The following NOL11 variants were observed in gnomAD, a reference collection of about 807,000 sequenced individuals.
NOL11 encodes nucleolar protein 11.
Under a neutral mutation model 93.0 loss-of-function variants are expected in NOL11, and 42 were observed. The observed-to-expected ratio is 0.45, with a 90% CI of 0.35 to 0.58. NOL11 has a LOEUF of 0.58. Among genes scored for constraint, NOL11 ranks in the 20% least tolerant of loss-of-function variants. The pLI, the probability that NOL11 is intolerant of heterozygous loss-of-function variation, is 0.00. For missense variants in NOL11, 775 were observed against 841.8 expected (o/e 0.92, Z 0.98); for synonymous variants, 296 against 293.7 (o/e 1.01, Z -0.08).
At chr17:67,725,545 T>C (rs1218355781) in intron 6 of NOL11, among the ~76,000 whole-genome samples, 1 of 152,192 alleles carries the variant, frequency 6.6e-6, no homozygotes, top group African/African-American at 2.4e-5. Context: ...TTTGTGAAGT[T>C]TTTCAGTGTG....
At chr17:67,740,550 G>T (rs866946545) in intron 16 of NOL11, 1 of 151,292 alleles carries the variant, frequency 6.6e-6, no homozygotes, top group African/African-American at 2.4e-5. Context: ...TGGAGGTTGC[G>T]GTGAGCCAAG....
chr17:67,732,867 C>G (rs528434705), intron 7 of NOL11, among the ~76,000 whole-genome samples: 157 of 151,962 alleles, frequency 1.0e-3, no homozygotes, highest in Non-Finnish European at 1.9e-3. Flanking sequence ...AGCCACCATG[C>G]CCTGCCGGAA....
rs766785328 is a variant in NOL11 at position 67,724,156 on chromosome 17, A to G, written c.627A>G (p.Ala209=). ...ACTCTGTTATAAAGAGTTTTACTGC[A>G]TCTGTAGATCGGAAATTCATCTCTT... ...DENSVIKSFT[A]SVDRKFISLM... Residue 209 remains alanine, a synonymous_variant, in exon 6 of 18, where the codon GCA becomes GCG. Coordinates refer to ENST00000253247, the MANE Select transcript of NOL11 (RefSeq NM_015462.5). The G allele has an allele frequency of 1.9e-6, 3 of 1,580,530 alleles. No homozygotes were observed. The highest frequency in any genetic ancestry group is 2.6e-6 in the Non-Finnish European group (3 of 1,166,004).
At chr17:67,724,333 T>A (rs1183611824) in intron 6 of NOL11, 140 bp downstream of exon 6, 4 of 8,696 alleles carry the variant, frequency 4.6e-4, no homozygotes, top group East Asian at 4.8e-3. Flanking sequence ...ATGCCTTCAC[T>A]TTTTTTTTTT....
At chr17:67,720,473 G>C (rs1475462298) in intron 3 of NOL11, 2 of 152,268 alleles carry the variant, frequency 1.3e-5, no homozygotes, top group Non-Finnish European at 2.9e-5. Context: ...AGCTAATTTT[G>C]TATTTTTAAT....
chr17:67,741,103 T>C (rs9909322), intron 16 of NOL11, among the ~76,000 whole-genome samples: 3,408 of 152,216 alleles, frequency 0.022, 161 homozygotes, highest in African/African-American at 0.078. Context: ...GGAGTCTCGC[T>C]CTGTCTCCCA....
chr17:67,723,393 TTTTTTTTTTTTTTTG>T (rs1447998802), intron 5 of NOL11, among the ~76,000 whole-genome samples: 5 of 111,638 alleles, frequency 4.5e-5, no homozygotes, highest in South Asian at 6.4e-4. Context: ...TTTTTTTTTT[TTTTTTTTTTTTTTTG>T]AGACGATTCT....
chr17:67,736,061 C>T (rs576429435), intron 9 of NOL11, 38 bp downstream of exon 9: 38 of 1,552,088 alleles, frequency 2.4e-5, no homozygotes, highest in South Asian at 2.4e-4. Flanking sequence ...TAATACAAAC[C>T]GTTTTATTAA....
Position 67,721,080 on chromosome 17 carries a change from C to T in NOL11, c.313-298C>T, listed in dbSNP as rs562992628. 2.6e-5 allele frequency among the ~76,000 whole-genome samples: 4 copies of T among 152,324 alleles called. No individual in the cohort carries two copies. The East Asian group carries it at 7.7e-4, about 29-fold the overall frequency. On this transcript the variant is annotated intron_variant, in intron 3 of 17. Coordinates refer to ENST00000253247, the MANE Select transcript of NOL11 (RefSeq NM_015462.5). ...CTCTGCATGAATGGCTTATCTGTAT[C>T]TTTCCCAGTTTTAAGAAACCCAGGT...
chr17:67,722,666 T>C (rs1424627423), intron 5 of NOL11, 29 bp downstream of exon 5: 2 of 1,506,418 alleles, frequency 1.3e-6, no homozygotes, highest in South Asian at 1.3e-5. Context: ...TCCTGGCCCA[T>C]TTTGTGAAAT....
At chr17:67,737,209 T>C (rs936837526) in intron 11 of NOL11, 64 bp downstream of exon 11, 1 of 960,310 alleles carries the variant, frequency 1.0e-6, no homozygotes. Context: ...TCGCATCTAC[T>C]CTTCGTTCTG....
chr17:67,743,441 A>AT, intron 16 of NOL11, 38 bp from the exon 17 acceptor site: 1 of 939,506 alleles, frequency 1.1e-6, no homozygotes, highest in East Asian at 2.5e-5. Context: ...CTGAAGTTAA[A>AT]TTTAAAATCT....
At chr17:67,742,292 TAATG>T (rs1298337075) in intron 16 of NOL11, among the ~76,000 whole-genome samples, 1 of 152,238 alleles carries the variant, frequency 6.6e-6, no homozygotes, top group Non-Finnish European at 1.5e-5. Flanking sequence ...ATTTCTTTGA[TAATG>T]AGAGAAGGAA....
intron 5 of NOL11, among the ~76,000 whole-genome samples, chr17:67,723,603 G>A (rs895339173): frequency 4.6e-5 from 7 of 151,368 alleles, no homozygotes; most frequent in Middle Eastern, 3.4e-3. Flanking sequence ...TGGTCAGGCT[G>A]GTCTCGAACT....
chr17:67,733,989 C>A (rs1360450621), intron 7 of NOL11, among the ~76,000 whole-genome samples: 2 of 152,128 alleles, frequency 1.3e-5, no homozygotes, highest in Non-Finnish European at 2.9e-5. Flanking sequence ...GGTATCAGAG[C>A]AACCAAAAGC....
chr17:67,719,964 T>TA lies in NOL11; in HGVS notation c.312+4dup. 6.4e-7 allele frequency: 1 copy of TA among 1,553,244 alleles called. No homozygotes were observed. The stretch of plus-strand genomic sequence containing the variant: ...CTGGATAAAGTATTTAAAGCTACAG[T>TA]AAGTCTTTGAATTTTCCAACATATT... On this transcript the variant is annotated splice_region_variant and intron_variant, in intron 3 of 17. Coordinates refer to ENST00000253247, the MANE Select transcript of NOL11 (RefSeq NM_015462.5).
chr17:67,727,696 G>T (rs2055109428), intron 7 of NOL11, among the ~76,000 whole-genome samples: 1 of 151,852 alleles, frequency 6.6e-6, no homozygotes, highest in Non-Finnish European at 1.5e-5. Flanking sequence ...AGGCACAGTG[G>T]CTCACGCCTG....
chr17:67,735,514 T>TA (rs1208091348), intron 8 of NOL11, among the ~76,000 whole-genome samples: 1 of 152,062 alleles, frequency 6.6e-6, no homozygotes, highest in Non-Finnish European at 1.5e-5. Flanking sequence ...GTCTTATTTT[T>TA]ACAATCATAA....
At chr17:67,721,310 T>C in intron 3 of NOL11, 68 bp from the exon 4 acceptor site, 1 of 1,002,262 alleles carries the variant, frequency 1.0e-6, no homozygotes, top group African/African-American at 1.7e-5. Flanking sequence ...AGAAGCCTTC[T>C]CTAAATATCC....
Sources: allele counts gnomAD v4.1 joint callset (sites outside exome capture counted in the v4.1 genomes callset), GRCh38; gene constraint gnomAD v4.1.1; transcripts MANE v1.5; gene names NCBI Gene and HGNC (gene_info 2026-07-23, HGNC 2026-07-21).